The following CSMD1 variants were observed in gnomAD, a reference collection of about 807,000 sequenced individuals.
CSMD1 encodes CUB and sushi domain-containing protein 1.
Under a neutral mutation model 417.5 loss-of-function variants are expected in CSMD1, and 213 were observed. The observed-to-expected ratio is 0.51, with a 90% confidence interval of 0.46 to 0.57. The LOEUF (loss-of-function observed/expected upper bound fraction) is 0.57. CSMD1 is among the 20% of genes least tolerant of loss of function. The pLI, the probability that CSMD1 is intolerant of heterozygous loss-of-function variation, is 0.00. For missense variants in CSMD1, 6,923 were observed against 4,529.7 expected (o/e 1.53, Z -15.17); for synonymous variants, 2,862 against 1,736.8 (o/e 1.65, Z -16.11).
At chr8:3,297,327 T>G (rs913999657) in intron 25 of CSMD1, among the ~76,000 whole-genome samples, 1 of 152,186 alleles carries the variant, frequency 6.6e-6, no homozygotes, top group African/African-American at 2.4e-5. Flanking sequence ...AGAGTGTTTC[T>G]GAAATTCATA....
intron 4 of CSMD1, among the ~76,000 whole-genome samples, chr8:4,013,865 A>C (rs1041004534): frequency 6.6e-6 from 1 of 152,168 alleles, no homozygotes; most frequent in African/African-American, 2.4e-5. Flanking sequence ...AGGGTAGCTA[A>C]AACAGAGATC....
At chr8:3,424,094 A>G (rs1433795028) in intron 12 of CSMD1, among the ~76,000 whole-genome samples, 1 of 152,174 alleles carries the variant, frequency 6.6e-6, no homozygotes, top group Non-Finnish European at 1.5e-5. Context: ...CCATTATTCA[A>G]TTATAAGTAT....
At chr8:3,506,373 G>A (rs1411884425) in intron 10 of CSMD1, among the ~76,000 whole-genome samples, 10 of 152,190 alleles carry the variant, frequency 6.6e-5, no homozygotes, top group African/African-American at 2.4e-4. Flanking sequence ...CAAGAACACT[G>A]GAGGTAGGGG....
chr8:3,505,992 C>G (rs149381862), intron 10 of CSMD1, among the ~76,000 whole-genome samples: 70 of 152,194 alleles, frequency 4.6e-4, no homozygotes, highest in African/African-American at 1.4e-3. Flanking sequence ...TAAAAATACA[C>G]GTATGTATAT....
Position 3,281,553 on chromosome 8 carries a change from G to T in CSMD1, c.4153+2591C>A, listed in dbSNP as rs117426568. On this transcript the variant is annotated intron_variant, in intron 26 of 69. Transcript: ENST00000635120. Reference sequence around the variant, plus strand: ...ATGAAAAGACCTGGAGCTTGAAAGTGTCTTACTAAGTGAAAGAAGACAACA... The same window carrying T: ...ATGAAAAGACCTGGAGCTTGAAAGTTTCTTACTAAGTGAAAGAAGACAACA... Among the ~76,000 whole-genome samples, 624 of 152,284 alleles carry T rather than the reference G, an allele frequency of 4.1e-3. 2 individuals are homozygous for T. The highest frequency in any genetic ancestry group is 6.8e-3 in the Non-Finnish European group (464 of 68,008).
intron 25 of CSMD1, among the ~76,000 whole-genome samples, chr8:3,298,659 G>A (rs1024557011): frequency 6.6e-6 from 1 of 152,170 alleles, no homozygotes; most frequent in African/African-American, 2.4e-5. Flanking sequence ...TCACCATGTT[G>A]ATCAGGTTGG....
In CSMD1 at chr8:3,495,844, A is replaced by G. The variant is rs535026995; in HGVS notation, c.1345-2118T>C. Among the ~76,000 whole-genome samples the G allele has an allele frequency of 2.6e-5, 4 of 152,306 alleles. No individual in the cohort carries two copies. In the South Asian group the frequency reaches 8.3e-4, roughly 32 times the overall value. ...CATATGCACCCTCCTTATGTCTTGC[A>G]TGGACTCCCTCAGCTGTCCTGGAGC... On this transcript the variant is annotated intron_variant, in intron 10 of 69. Transcript: ENST00000635120.
intron 3 of CSMD1, among the ~76,000 whole-genome samples, chr8:4,067,748 G>C (rs939705353): frequency 6.6e-6 from 1 of 152,100 alleles, no homozygotes; most frequent in Non-Finnish European, 1.5e-5. Context: ...TTATTCTTTG[G>C]ACAACTAATT....
intron 3 of CSMD1, among the ~76,000 whole-genome samples, chr8:4,400,975 G>A (rs1804607304): frequency 6.6e-6 from 1 of 151,930 alleles, no homozygotes; most frequent in Non-Finnish European, 1.5e-5. Flanking sequence ...TATTCCCTAA[G>A]TATTTTAACA....
intron 26 of CSMD1, among the ~76,000 whole-genome samples, chr8:3,251,625 A>G (rs982832175): frequency 2.6e-5 from 4 of 152,180 alleles, no homozygotes; most frequent in Admixed American, 6.5e-5. Context: ...CTTGATGGGG[A>G]TGGCTTTGAA....
At chr8:4,052,466 T>A (rs981802017) in intron 3 of CSMD1, among the ~76,000 whole-genome samples, 1 of 152,192 alleles carries the variant, frequency 6.6e-6, no homozygotes, top group Admixed American at 6.5e-5. Context: ...CACTGCAAGA[T>A]GGATAATCTT....
chr8:3,921,023 G>C (rs916572570), intron 5 of CSMD1, among the ~76,000 whole-genome samples: 1 of 152,064 alleles, frequency 6.6e-6, no homozygotes, highest in African/African-American at 2.4e-5. Flanking sequence ...TCAGGTTTCC[G>C]AAAGAGTTTG....
At chr8:3,054,328 T>C (rs1812069607) in intron 49 of CSMD1, among the ~76,000 whole-genome samples, 1 of 152,290 alleles carries the variant, frequency 6.6e-6, no homozygotes, top group Non-Finnish European at 1.5e-5. Context: ...CCATCAAAAA[T>C]ACATGTGGGC....
intron 5 of CSMD1, among the ~76,000 whole-genome samples, chr8:3,766,544 C>T (rs1026678946): frequency 2.6e-5 from 4 of 151,918 alleles, no homozygotes; most frequent in East Asian, 1.9e-4. Flanking sequence ...AGGGAGCAGT[C>T]GGCACTGGCA....
intron 29 of CSMD1, among the ~76,000 whole-genome samples, chr8:3,216,392 T>C (rs952315283): frequency 9.2e-5 from 14 of 152,246 alleles, no homozygotes; most frequent in Non-Finnish European, 2.9e-5. Context: ...TTGTTCACAA[T>C]ATTTTCCCCT....
At chr8:2,961,479 C>T (rs1803481620) in intron 61 of CSMD1, among the ~76,000 whole-genome samples, 2 of 151,580 alleles carry the variant, frequency 1.3e-5, no homozygotes, top group Non-Finnish European at 2.9e-5. Flanking sequence ...CATTCTCTGG[C>T]TTTTTTTTCT....
At chr8:2,968,744 G>T (rs780205267) in intron 57 of CSMD1, among the ~76,000 whole-genome samples, 2 of 151,746 alleles carry the variant, frequency 1.3e-5, no homozygotes, top group East Asian at 1.9e-4. Flanking sequence ...ATTTAGAGGA[G>T]AAAAAAGAAC....
intron 69 of CSMD1, among the ~76,000 whole-genome samples, chr8:2,941,666 C>T (rs994743198): frequency 6.6e-6 from 1 of 152,202 alleles, no homozygotes; most frequent in African/African-American, 2.4e-5. Flanking sequence ...TGACATTTTA[C>T]AGTTAGCAGA....
At chr8:3,271,165 G>C (rs1333309641) in intron 26 of CSMD1, among the ~76,000 whole-genome samples, 1 of 147,080 alleles carries the variant, frequency 6.8e-6, no homozygotes, top group Non-Finnish European at 1.5e-5. Context: ...ACCTTTGAGT[G>C]AGAATATGCG....
Sources: gnomAD v4.1 joint callset for allele counts (sites outside exome capture counted in the v4.1 genomes callset) on GRCh38, gnomAD v4.1.1 for gene constraint, MANE v1.5 for transcripts, NCBI Gene and HGNC (gene_info 2026-07-23, HGNC 2026-07-21) for gene names.